Variants in CRPPA observed in about 807,000 individuals in gnomAD.
The protein encoded by CRPPA is CDP-L-ribitol pyrophosphorylase A, also known as D-ribitol-5-phosphate cytidylyltransferase.
Under a neutral mutation model 52.0 loss-of-function variants are expected in CRPPA, and 43 were observed. The ratio of observed to expected loss-of-function variants is 0.83; its 90% CI spans 0.65 to 1.07. CRPPA has a LOEUF of 1.07. CRPPA is among the 50% of genes least tolerant of loss of function. The pLI is 0.00. For synonymous variants in CRPPA, 250 were observed against 203.5 expected (o/e 1.23, Z -1.94); for missense variants, 629 against 551.7 (o/e 1.14, Z -1.40).
intron 8 of CRPPA, among the ~76,000 whole-genome samples, chr7:16,251,459 T>G (rs376331145): frequency 6.6e-6 from 1 of 152,156 alleles, no homozygotes; most frequent in Non-Finnish European, 1.5e-5. Context: ...TACTCTAAAA[T>G]TGACCACATA....
At chr7:16,262,103 T>C (rs1033866702) in intron 6 of CRPPA, 1 of 152,162 alleles carries the variant, frequency 6.6e-6, no homozygotes, top group Non-Finnish European at 1.5e-5. Flanking sequence ...CACAGTAAGT[T>C]TTATTACGAA....
At chr7:16,252,249 T>C (rs1783477365) in intron 8 of CRPPA, among the ~76,000 whole-genome samples, 1 of 152,138 alleles carries the variant, frequency 6.6e-6, no homozygotes, top group African/African-American at 2.4e-5. Context: ...TGGGTCAACA[T>C]ATGCAAATCA....
chr7:16,286,037 AAATATAAATATATATATATATAT>A lies in CRPPA; in HGVS notation c.836-7834_836-7812del, dbSNP rs1784426589. ...CTCCATCTCAAAAAAAAAAAAAAAA[AAATATAAATATATATATATATAT>A]ATATATATATATATATATATAATAT... On this transcript the variant is annotated intron_variant, in intron 5 of 9. Transcript: ENST00000407010. Among the ~76,000 whole-genome samples, 6 of 15,112 alleles carry A rather than the reference AAATATAAATATATATATATATAT, an allele frequency of 4.0e-4. 1 individual carries two copies. The highest frequency in any genetic ancestry group is 3.2e-3 in the African/African-American group (6 of 1,864). 9.9% of individuals were successfully genotyped at this position (15,112 alleles called of 152,430 possible).
At chr7:16,344,873 T>A (rs533147789) in intron 3 of CRPPA, among the ~76,000 whole-genome samples, 3 of 147,676 alleles carry the variant, frequency 2.0e-5, no homozygotes, top group Non-Finnish European at 4.5e-5. Flanking sequence ...TAATGAAGCA[T>A]GCCAAAATAA....
At chr7:16,394,602 T>G (rs1169763011) in intron 2 of CRPPA, among the ~76,000 whole-genome samples, 1 of 152,174 alleles carries the variant, frequency 6.6e-6, no homozygotes, top group Non-Finnish European at 1.5e-5. Context: ...TTTTTTAAAA[T>G]TCAGAATGTG....
chr7:16,257,462 A>C (rs990025728), intron 8 of CRPPA, among the ~76,000 whole-genome samples: 1 of 152,122 alleles, frequency 6.6e-6, no homozygotes, highest in Non-Finnish European at 1.5e-5. Flanking sequence ...TCAAAACCAG[A>C]TGCAACCATG....
intron 3 of CRPPA, among the ~76,000 whole-genome samples, chr7:16,310,685 C>T (rs989771002): frequency 2.3e-5 from 3 of 129,246 alleles, no homozygotes; most frequent in African/African-American, 1.2e-4. Flanking sequence ...TAGACGAAAA[C>T]AACCAAATAA....
intron 3 of CRPPA, among the ~76,000 whole-genome samples, chr7:16,331,069 G>A (rs1402409692): frequency 3.3e-5 from 5 of 152,138 alleles, no homozygotes; most frequent in Non-Finnish European, 7.4e-5. Flanking sequence ...GCGCCATCTC[G>A]GCTCACTGCA....
At chr7:16,111,038 T>G (rs999151076) in intron 9 of CRPPA, among the ~76,000 whole-genome samples, 1 of 152,010 alleles carries the variant, frequency 6.6e-6, no homozygotes, top group Non-Finnish European at 1.5e-5. Context: ...AGGTTAATAT[T>G]TAAAATATTT....
At chr7:16,197,954 G>C (rs1583422792) in intron 9 of CRPPA, among the ~76,000 whole-genome samples, 1 of 144,790 alleles carries the variant, frequency 6.9e-6, no homozygotes, top group Non-Finnish European at 1.5e-5. Flanking sequence ...CTTGAAGGCA[G>C]CATGCTCCTT....
chr7:16,112,597 T>C (rs1782289101), intron 9 of CRPPA, among the ~76,000 whole-genome samples: 1 of 152,162 alleles, frequency 6.6e-6, no homozygotes, highest in Admixed American at 6.6e-5. Flanking sequence ...CAATGGAATA[T>C]GGGAAAAGTA....
intron 2 of CRPPA, among the ~76,000 whole-genome samples, chr7:16,402,699 T>TAA (rs10711388): frequency 2.1e-5 from 3 of 143,238 alleles, no homozygotes; most frequent in African/African-American, 5.0e-5. Context: ...TAGACAGAGC[T>TAA]AAAAAAAAAA....
chr7:16,145,210 C>G (rs962411641), intron 9 of CRPPA, among the ~76,000 whole-genome samples: 2 of 152,218 alleles, frequency 1.3e-5, no homozygotes, highest in African/African-American at 2.4e-5. Flanking sequence ...AGCATGCTCA[C>G]AAACCTGAAG....
rs1049587850 is a variant in CRPPA, at chr7:16,089,443, A to G, written c.*2252T>C. On this transcript the variant is annotated 3_prime_UTR_variant, in exon 10 of 10. Coordinates refer to ENST00000407010, the MANE Select transcript of CRPPA (RefSeq NM_001101426.4). ...TACATACATATATGTGTATATATGT[A>G]CGTGCATACATATATGTGTATATAT... 2 of 345,106 alleles carry G rather than the reference A, an allele frequency of 5.8e-6. No individual in the cohort carries two copies. Among genetic ancestry groups the G allele is most frequent in the African/African-American group, 4.2e-5 (2 of 47,496 alleles). The allele number at this position is 345,106 out of a possible 1,614,324, so 21.4% of individuals were successfully genotyped here. A position where few individuals can be genotyped will look rare whatever the true frequency, so the allele number is the denominator to read the frequency against.
chr7:16,405,116 A>G (rs1400935761), intron 2 of CRPPA, among the ~76,000 whole-genome samples: 1 of 151,828 alleles, frequency 6.6e-6, no homozygotes. Flanking sequence ...AAAAAAAAAA[A>G]GCTTCTGGGC....
chr7:16,091,960 G>A (rs2128361165), intron 9 of CRPPA, among the ~76,000 whole-genome samples, 161 bp from the exon 10 acceptor site: 1 of 152,244 alleles, frequency 6.6e-6, no homozygotes, highest in Non-Finnish European at 1.5e-5. Context: ...GAATAAAGAG[G>A]AAATACTTTC....
chr7:16,126,956 A>G (rs1421331443), intron 9 of CRPPA, among the ~76,000 whole-genome samples: 1 of 152,150 alleles, frequency 6.6e-6, no homozygotes, highest in Non-Finnish European at 1.5e-5. Context: ...CTCAGAAGTA[A>G]ATGCCATTTA....
Position 16,418,503 on chromosome 7 carries a change from C to A in CRPPA, c.257+2563G>T, listed in dbSNP as rs368301940. Among the ~76,000 whole-genome samples the A allele has an allele frequency of 2.6e-5, 4 of 152,130 alleles. No homozygotes were observed. In the East Asian group the frequency reaches 5.8e-4, roughly 22 times the overall value. ...ATAAAGGAAAGAGGTTTAATTGACTCACAGTTCAGCATGGCTGGGGAGGCC... is the reference window on the plus strand; with the variant it reads ...ATAAAGGAAAGAGGTTTAATTGACTAACAGTTCAGCATGGCTGGGGAGGCC... On this transcript the variant is annotated intron_variant, in intron 1 of 9. Coordinates refer to ENST00000407010, the MANE Select transcript of CRPPA (RefSeq NM_001101426.4).
intron 9 of CRPPA, among the ~76,000 whole-genome samples, chr7:16,097,025 A>G (rs2128362606): frequency 6.6e-6 from 1 of 152,254 alleles, no homozygotes; most frequent in East Asian, 1.9e-4. Flanking sequence ...AAATTCAGGG[A>G]GCTAAACTTG....
Sources: gnomAD v4.1 joint callset for allele counts (sites outside exome capture counted in the v4.1 genomes callset) on GRCh38, gnomAD v4.1.1 for gene constraint, MANE v1.5 for transcripts, NCBI Gene and HGNC (gene_info 2026-07-23, HGNC 2026-07-21) for gene names.